NEBL: variants seen among roughly 807,000 people sequenced by gnomAD.
NEBL encodes the protein LIM and SH3 protein 2.
NEBL carries 122 observed loss-of-function variants against 140.2 expected under a neutral mutation model. That is an observed-to-expected ratio of 0.87 (90% CI 0.75 to 1.01). The LOEUF (loss-of-function observed/expected upper bound fraction) is 1.01, where lower values mean the gene tolerates loss of function less well. Among genes scored for constraint, NEBL ranks in the 50% least tolerant of loss-of-function variants. The pLI is 0.00. For missense variants in NEBL, 1,365 were observed against 1,231.3 expected (o/e 1.11, Z -1.62); for synonymous variants, 436 against 398.9 (o/e 1.09, Z -1.11).
intron 3 of NEBL, among the ~76,000 whole-genome samples, chr10:21,015,881 C>A (rs781345835): frequency 2.6e-4 from 39 of 152,154 alleles, no homozygotes; most frequent in African/African-American, 9.4e-4. Context: ...ACCTAATTTA[C>A]AAAGAGTTTG....
intron 2 of NEBL, chr10:21,146,453 G>T (rs369405447): frequency 6.2e-7 from 1 of 1,613,710 alleles, no homozygotes; most frequent in Non-Finnish European, 8.5e-7. Flanking sequence ...AATATCTTCA[G>T]AAATTTCAGG....
chr10:21,103,184 A>G (rs963514179), intron 2 of NEBL, among the ~76,000 whole-genome samples: 3 of 151,582 alleles, frequency 2.0e-5, no homozygotes, highest in African/African-American at 4.9e-5. Flanking sequence ...AGCATATGAG[A>G]GTTCCAGTTA....
At chr10:21,054,415 T>G (rs1834919253) in intron 2 of NEBL, among the ~76,000 whole-genome samples, 1 of 152,200 alleles carries the variant, frequency 6.6e-6, no homozygotes, top group Non-Finnish European at 1.5e-5. Context: ...AGTCAACCGT[T>G]TGCCCCAAGC....
At chr10:21,223,742 G>GA (rs1443420293) in intron 3 of NEBL, among the ~76,000 whole-genome samples, 8 of 152,158 alleles carry the variant, frequency 5.3e-5, no homozygotes, top group Admixed American at 1.3e-4. Flanking sequence ...ACTGGAGTGA[G>GA]ATGATATCTC....
upstream of NEBL, among the ~76,000 whole-genome samples, chr10:21,179,435 T>C (rs1475032378): frequency 6.6e-6 from 1 of 152,098 alleles, no homozygotes; most frequent in African/African-American, 2.4e-5. Flanking sequence ...AGCGTCCATG[T>C]CCTGATCATT....
intron 2 of NEBL, among the ~76,000 whole-genome samples, chr10:21,107,442 T>A (rs1430912337): frequency 6.6e-6 from 1 of 152,176 alleles, no homozygotes; most frequent in Non-Finnish European, 1.5e-5. Context: ...GTTTTTGCTG[T>A]TAGTTCTGTT....
intron 4 of NEBL, among the ~76,000 whole-genome samples, chr10:20,927,705 T>C (rs542836963): frequency 6.6e-6 from 1 of 152,350 alleles, no homozygotes; most frequent in South Asian, 2.1e-4. Flanking sequence ...ATGTGTGGTA[T>C]ACAGTCCAGA....
At chr10:20,958,506 C>T (rs1589076390) in intron 4 of NEBL, among the ~76,000 whole-genome samples, 1 of 152,126 alleles carries the variant, frequency 6.6e-6, no homozygotes, top group Non-Finnish European at 1.5e-5. Flanking sequence ...CGATTTGGCT[C>T]GATTTCCTGA....
chr10:21,030,199 A>G, intron 2 of NEBL: 1 of 502,772 alleles, frequency 2.0e-6, no homozygotes, highest in Non-Finnish European at 3.8e-6. Context: ...CAAAACTAGA[A>G]TGACGGCCTC....
rs376382402 is a variant in NEBL, at chr10:20,783,339, C to T, written c.*2408G>A. Reference sequence around the variant, plus strand: ...ATGCAACATCTTGTTCAGTTTTAGTCTTCATTGTAAAACAACTACCCTTTA... The same window carrying T: ...ATGCAACATCTTGTTCAGTTTTAGTTTTCATTGTAAAACAACTACCCTTTA... On this transcript the variant is annotated 3_prime_UTR_variant, in exon 28 of 28. Transcript: ENST00000377122. 5.9e-5 allele frequency: 9 copies of T among 152,238 alleles called. No individual in the cohort carries two copies. The South Asian group carries it at 1.0e-3, about 18-fold the overall frequency. The allele number at this position is 152,238 out of a possible 1,614,324, so 9.4% of individuals were successfully genotyped here.
At chr10:21,226,355 A>G (rs1842148836) in intron 3 of NEBL, among the ~76,000 whole-genome samples, 1 of 151,966 alleles carries the variant, frequency 6.6e-6, no homozygotes, top group African/African-American at 2.4e-5. Flanking sequence ...GAGAGTGGTG[A>G]CATGAGCACT....
chr10:21,094,498 T>TCA (rs1837082979), intron 2 of NEBL, among the ~76,000 whole-genome samples: 1 of 41,100 alleles, frequency 2.4e-5, no homozygotes, highest in Non-Finnish European at 3.9e-5. Context: ...AGACTCCGTC[T>TCA]CAAAAAAAAA....
chr10:20,828,730 G>T, intron 16 of NEBL, 96 bp from the exon 17 acceptor site: 1 of 815,630 alleles, frequency 1.2e-6, no homozygotes, highest in African/African-American at 1.7e-5. Flanking sequence ...GGGAGAGAGA[G>T]AGAGTAAAAA....
chr10:21,278,272 T>G (rs553794225), intron 1 of NEBL, among the ~76,000 whole-genome samples: 103 of 152,154 alleles, frequency 6.8e-4, no homozygotes, highest in Admixed American at 3.2e-3. Context: ...AGACGCCGTC[T>G]CTACAGAATA....
chr10:21,279,137 A>G (rs962103372), intron 1 of NEBL, among the ~76,000 whole-genome samples: 3 of 152,148 alleles, frequency 2.0e-5, no homozygotes, highest in Non-Finnish European at 4.4e-5. Flanking sequence ...GCATAGCCTC[A>G]ACTCTGACAT....
chr10:20,917,176 G>T (rs1050371630), intron 4 of NEBL, among the ~76,000 whole-genome samples: 12 of 152,184 alleles, frequency 7.9e-5, no homozygotes, highest in Non-Finnish European at 1.5e-4. Context: ...TTGAAAATCA[G>T]CTTGTAAGTC....
chr10:20,943,473 GAATATACCTAATGTT>G (rs1835002082), intron 4 of NEBL, among the ~76,000 whole-genome samples: 1 of 152,094 alleles, frequency 6.6e-6, no homozygotes. Flanking sequence ...ATAGCATTAG[GAATATACCTAATGTT>G]AATTGACGAG....
intron 26 of NEBL, among the ~76,000 whole-genome samples, chr10:20,799,983 G>C (rs1836953238): frequency 1.3e-5 from 2 of 151,968 alleles, no homozygotes; most frequent in Non-Finnish European, 2.9e-5. Flanking sequence ...GCGTGTGAGA[G>C]AGCGAGCAAA....
intron 2 of NEBL, among the ~76,000 whole-genome samples, chr10:21,049,556 C>G (rs538298445): frequency 1.3e-5 from 2 of 152,174 alleles, no homozygotes; most frequent in African/African-American, 4.8e-5. Context: ...TGTTCTCCCA[C>G]CCATCTATTT....
Sources: gnomAD v4.1 joint callset for allele counts (sites outside exome capture counted in the v4.1 genomes callset) on GRCh38, gnomAD v4.1.1 for gene constraint, MANE v1.5 for transcripts, NCBI Gene and HGNC (gene_info 2026-07-23, HGNC 2026-07-21) for gene names.